TRABD2B: variants seen among roughly 807,000 people sequenced by gnomAD.
TRABD2B encodes metalloprotease TIKI2.
Under a neutral mutation model 40.1 loss-of-function variants are expected in TRABD2B, and 14 were observed. The observed-to-expected ratio is 0.35, with a 90% CI of 0.23 to 0.55. TRABD2B has a LOEUF of 0.55. Ranked by LOEUF, TRABD2B falls within the 20% of genes least tolerant of loss-of-function variation. The pLI is 0.90. For synonymous variants in TRABD2B, 263 were observed against 277.0 expected (o/e 0.95, Z 0.50); for missense variants, 541 against 648.6 (o/e 0.83, Z 1.80).
Position 47,997,090 on chromosome 1 carries a change from C to T in TRABD2B, c.-301G>A, listed in dbSNP as rs935752689. 7 of 982,684 alleles carry T rather than the reference C, an allele frequency of 7.1e-6. No individual in the cohort carries two copies. The Admixed American group carries it at 4.3e-4, about 61-fold the overall frequency. 60.9% of individuals were successfully genotyped at this position (982,684 alleles called of 1,614,324 possible). A position where few individuals can be genotyped will look rare whatever the true frequency, so the allele number is the denominator to read the frequency against. ...TGGGGTCCGGGGGCGCGCGGGGTCCCGGAGCTGCGTCGCGGTCCAGGGGCG... is the reference window on the plus strand; with the variant it reads ...TGGGGTCCGGGGGCGCGCGGGGTCCTGGAGCTGCGTCGCGGTCCAGGGGCG... On this transcript the variant is annotated 5_prime_UTR_variant, in exon 1 of 7. Transcript: ENST00000606738.
intron 2 of TRABD2B, among the ~76,000 whole-genome samples, chr1:47,905,670 CT>C (rs1428129079): frequency 2.0e-5 from 3 of 152,306 alleles, no homozygotes; most frequent in African/African-American, 7.2e-5. Flanking sequence ...CCTTTTCTCT[CT>C]CTGTATGTCT....
At chr1:47,976,512 C>T (rs1645757594) in intron 2 of TRABD2B, among the ~76,000 whole-genome samples, 1 of 152,178 alleles carries the variant, frequency 6.6e-6, no homozygotes, top group African/African-American at 2.4e-5. Flanking sequence ...ATACAGACGA[C>T]ACACAAATAT....
intron 2 of TRABD2B, among the ~76,000 whole-genome samples, chr1:47,956,464 A>C (rs541993689): frequency 6.6e-6 from 1 of 152,360 alleles, no homozygotes; most frequent in Admixed American, 6.5e-5. Flanking sequence ...AGCCAAGGGA[A>C]GCCGTGACAG....
At chr1:47,808,271 C>T (rs563419698) in intron 2 of TRABD2B, among the ~76,000 whole-genome samples, 50 of 152,240 alleles carry the variant, frequency 3.3e-4, no homozygotes, top group African/African-American at 1.1e-3. Context: ...TAGACTTACC[C>T]ACCAATGTCA....
At chr1:47,798,251 G>T (rs1158163996) in intron 3 of TRABD2B, among the ~76,000 whole-genome samples, 1 of 152,208 alleles carries the variant, frequency 6.6e-6, no homozygotes, top group Non-Finnish European at 1.5e-5. Flanking sequence ...GGTTTGACCA[G>T]AACAGTCCAG....
intron 2 of TRABD2B, among the ~76,000 whole-genome samples, chr1:47,860,778 G>A (rs886232612): frequency 1.3e-5 from 2 of 152,130 alleles, no homozygotes; most frequent in Non-Finnish European, 1.5e-5. Context: ...GCTCTCATGG[G>A]TTGTTATAAT....
At chr1:47,953,758 A>G (rs1645379017) in intron 2 of TRABD2B, among the ~76,000 whole-genome samples, 3 of 152,204 alleles carry the variant, frequency 2.0e-5, no homozygotes, top group Admixed American at 2.0e-4. Context: ...TGGCTTCAGA[A>G]GACACTTAGG....
intron 2 of TRABD2B, among the ~76,000 whole-genome samples, chr1:47,900,019 G>A (rs1312743001): frequency 6.6e-6 from 1 of 152,190 alleles, no homozygotes; most frequent in African/African-American, 2.4e-5. Flanking sequence ...TGTGGAAAGT[G>A]CTTGGGCCTG....
At chr1:47,783,104 T>G (rs1569919377) in intron 4 of TRABD2B, among the ~76,000 whole-genome samples, 10 of 139,492 alleles carry the variant, frequency 7.2e-5, no homozygotes, top group South Asian at 4.9e-4. Flanking sequence ...GAGAGAGAGG[T>G]AGGGAGAAGA....
chr1:47,841,459 C>A (rs1210932604), intron 2 of TRABD2B, among the ~76,000 whole-genome samples: 1 of 152,214 alleles, frequency 6.6e-6, no homozygotes, highest in African/African-American at 2.4e-5. Context: ...ACAACCCACC[C>A]CTATCTTCTT....
intron 2 of TRABD2B, among the ~76,000 whole-genome samples, chr1:47,965,815 C>T (rs559630135): frequency 1.3e-5 from 2 of 152,208 alleles, no homozygotes; most frequent in South Asian, 2.1e-4. Flanking sequence ...CAAGGGTACT[C>T]GAAGAAGGGT....
At chr1:47,978,659 T>TGA (rs1233554039) in intron 2 of TRABD2B, among the ~76,000 whole-genome samples, 1 of 152,198 alleles carries the variant, frequency 6.6e-6, no homozygotes, top group Non-Finnish European at 1.5e-5. Context: ...CCAGCGATGA[T>TGA]GAGAGACCCA....
intron 2 of TRABD2B, among the ~76,000 whole-genome samples, chr1:47,957,000 G>A (rs1645433819): frequency 6.6e-6 from 1 of 152,194 alleles, no homozygotes. Context: ...GCCCCTCTGA[G>A]ACAAAGCTTC....
In TRABD2B at chr1:47,791,462, T is replaced by C. The variant is rs1318005980; in HGVS notation, c.988+3124A>G. Among the ~76,000 whole-genome samples the C allele has an allele frequency of 2.0e-5, 3 of 152,204 alleles. No individual in the cohort carries two copies. The East Asian group carries it at 5.8e-4, about 29-fold the overall frequency. ...GACACATGCCTGGGGGATGGATAGC[T>C]GCATTCCTGGTAGTATAGACCCTTC... is the stretch of plus-strand genomic sequence containing the variant. On this transcript the variant is annotated intron_variant, in intron 4 of 6. Transcript: ENST00000606738.
intron 2 of TRABD2B, among the ~76,000 whole-genome samples, chr1:47,880,487 T>C (rs1644287232): frequency 1.3e-5 from 2 of 152,164 alleles, no homozygotes; most frequent in African/African-American, 4.8e-5. Flanking sequence ...TTTTAAGTCG[T>C]TAAGTGTGTG....
At chr1:47,832,165 T>C (rs976450568) in intron 2 of TRABD2B, among the ~76,000 whole-genome samples, 13 of 152,088 alleles carry the variant, frequency 8.5e-5, no homozygotes, top group African/African-American at 3.1e-4. Flanking sequence ...GCCCCATCTC[T>C]ACTAAAAAAA....
chr1:47,808,240 G>A (rs770012450), intron 2 of TRABD2B, among the ~76,000 whole-genome samples: 2 of 152,210 alleles, frequency 1.3e-5, no homozygotes, highest in African/African-American at 2.4e-5. Flanking sequence ...TTTCCAGCCC[G>A]CTGGCCTGCC....
intron 2 of TRABD2B, among the ~76,000 whole-genome samples, chr1:47,959,766 C>T (rs1017754994): frequency 3.9e-5 from 6 of 152,062 alleles, no homozygotes; most frequent in Admixed American, 3.3e-4. Flanking sequence ...GATTCACAGC[C>T]CAATTCTACC....
intron 2 of TRABD2B, among the ~76,000 whole-genome samples, chr1:47,811,894 C>T (rs1644970317): frequency 6.6e-6 from 1 of 152,224 alleles, no homozygotes; most frequent in African/African-American, 2.4e-5. Flanking sequence ...CATTTCAGAA[C>T]ATTACACCTA....
Sources: gnomAD v4.1 joint callset for allele counts (sites outside exome capture counted in the v4.1 genomes callset) on GRCh38, gnomAD v4.1.1 for gene constraint, MANE v1.5 for transcripts, NCBI Gene and HGNC (gene_info 2026-07-23, HGNC 2026-07-21) for gene names.